The following ZBTB39 variants were observed in gnomAD, a reference collection of about 807,000 sequenced individuals.
ZBTB39 encodes zinc finger and BTB domain containing 39.
In ZBTB39, 25 loss-of-function variants were observed where a neutral mutation model predicts 39.4. The ratio of observed to expected loss-of-function variants is 0.63; its 90% confidence interval spans 0.46 to 0.89. ZBTB39 has a LOEUF of 0.89. Ranked by LOEUF, ZBTB39 falls within the 40% of genes least tolerant of loss-of-function variation. The probability of loss-of-function intolerance (pLI) is 0.00; values close to 1 mark genes in which losing one functional copy is unlikely to be tolerated. For synonymous variants in ZBTB39, 373 were observed against 359.6 expected (o/e 1.04, Z -0.42); for missense variants, 891 against 909.7 (o/e 0.98, Z 0.26).
chr12:56,998,943 A>G lies in ZBTB39; in HGVS notation c.*3836T>C, dbSNP rs911392682. 1 of 152,686 alleles carries G rather than the reference A, an allele frequency of 6.5e-6. No individual in the cohort carries two copies. Among genetic ancestry groups the G allele is most frequent in the Non-Finnish European group, 1.5e-5 (1 of 68,046 alleles). 9.5% of individuals were successfully genotyped at this position (152,686 alleles called of 1,614,324 possible). Reference sequence around the variant, plus strand: ...TTTTAGACATCTACTATTTGGGGAAAAAAGTTTACAAAATATACAAAACTT... The same window carrying G: ...TTTTAGACATCTACTATTTGGGGAAGAAAGTTTACAAAATATACAAAACTT... On this transcript the variant is annotated 3_prime_UTR_variant, in exon 2 of 2. Transcript: ENST00000300101.
rs775586600 is a variant in ZBTB39, at chr12:57,003,964, C to T, written c.954G>A (p.Glu318=). 1.2e-6 allele frequency: 2 copies of T among 1,614,118 alleles called. No homozygotes were observed. The highest frequency in any genetic ancestry group is 1.7e-6 in the Non-Finnish European group (2 of 1,180,042). ...CACTGTCATCACTCAGCTCAATCACCTCCTCAGTTGTGCCTATATCCTCAG... is the reference window on the plus strand; with the variant it reads ...CACTGTCATCACTCAGCTCAATCACTTCCTCAGTTGTGCCTATATCCTCAG... The part of the protein sequence containing the change: ...DPAEDIGTTE[E]VIELSDDSED... Residue 318 remains glutamate, a synonymous_variant, in exon 2 of 2, where the codon GAG becomes GAA. Transcript: ENST00000300101. The surrounding 1 kb of genome is among the most constrained non-coding windows in gnomAD (Gnocchi z 4.8).
chr12:57,003,376 C>A lies in ZBTB39; in HGVS notation c.1542G>T (p.Ala514=). Residue 514 remains alanine, a synonymous_variant, in exon 2 of 2, where the codon GCG becomes GCT. Coordinates refer to ENST00000300101, the MANE Select transcript of ZBTB39 (RefSeq NM_014830.3). This position sits in a 1 kb window ranked among gnomAD's most constrained non-coding sequence, Gnocchi z 4.8. ...GISVFSCSVC[A]NSFVDWHLLE... is the part of the protein sequence containing the mutation. ...GAAGATGCCAGTCCACAAAGCTGTT[C>A]GCACAGACAGAACAGGAGAAGACTG... 1 of 1,614,078 alleles carries A rather than the reference C, an allele frequency of 6.2e-7. No homozygotes were observed. Among genetic ancestry groups the A allele is most frequent in the Non-Finnish European group, 8.5e-7 (1 of 1,179,950 alleles).
Position 57,003,585 on chromosome 12 carries a change from CT to C in ZBTB39, c.1332del (p.Ala446GlnfsTer6). ...CATTTCAGCTCTGGGGAGGCTGCCC[CT>C]GAAAAGAGACCCAGCTTCCCTGGCA... ...DPLPGKLGLF[S>X]GAASPELKCA... On this transcript the variant is annotated frameshift_variant, in exon 2 of 2. Transcript: ENST00000300101. LOFTEE classifies it high-confidence loss of function. This position sits in a 1 kb window ranked among gnomAD's most constrained non-coding sequence, Gnocchi z 4.8. 6.2e-7 allele frequency: 1 copy of C among 1,614,102 alleles called. No individual in the cohort carries two copies. The highest frequency in any genetic ancestry group is 8.5e-7 in the Non-Finnish European group (1 of 1,179,940).
rs1352707428 is a variant in ZBTB39 at position 57,003,805 on chromosome 12, C to T, written c.1113G>A (p.Thr371=). 7.4e-6 allele frequency: 12 copies of T among 1,614,210 alleles called. No homozygotes were observed. Among genetic ancestry groups the T allele is most frequent in the Admixed American group, 3.3e-5 (2 of 60,024 alleles). ...GGGTCTCGCAGACCTTGCAGTTGCC[C>T]GTCAGCAGGTCCACATGGTCCCGAG... ...QHARDHVDLL[T]GNCKVCETHF... Residue 371 remains threonine (T), a synonymous_variant, in exon 2 of 2, where the codon ACG becomes ACA. Transcript: ENST00000300101. The surrounding 1 kb of genome is among the most constrained non-coding windows in gnomAD (Gnocchi z 4.8).
Position 57,003,408 on chromosome 12 carries a change from C to A in ZBTB39, c.1510G>T (p.Gly504Cys), listed in dbSNP as rs752543133. ...SLMWHTLSHL[G>C]ISVFSCSVCA... ...ACAGAACAGGAGAAGACTGAGATGC[C>A]GAGATGGGACAGCGTGTGCCACATG... Residue 504 changes from glycine (G) to cysteine (C), a missense_variant, in exon 2 of 2, where the codon GGC becomes TGC. Gly to Cys is a radical substitution (Grantham distance 159, BLOSUM62 -3). Transcript: ENST00000300101. The surrounding 1 kb of genome is among the most constrained non-coding windows in gnomAD (Gnocchi z 4.8). 6.2e-7 allele frequency: 1 copy of A among 1,614,174 alleles called. No homozygotes were observed. The highest frequency in any genetic ancestry group is 1.1e-5 in the South Asian group (1 of 91,078).
rs541660821 is a variant in ZBTB39, at chr12:57,001,187, G to C, written c.*1592C>G. On this transcript the variant is annotated 3_prime_UTR_variant, in exon 2 of 2. Transcript: ENST00000300101. ...CATCTCTGGTCAAGGCTGTTCTCTGGAATATGGCTACTTGCTGGGGAGAAA... is the reference window on the plus strand; with the variant it reads ...CATCTCTGGTCAAGGCTGTTCTCTGCAATATGGCTACTTGCTGGGGAGAAA... 1 of 152,414 alleles carries C rather than the reference G, an allele frequency of 6.6e-6. No homozygotes were observed. The highest frequency in any genetic ancestry group is 6.5e-5 in the Admixed American group (1 of 15,294). 9.4% of individuals were successfully genotyped at this position (152,414 alleles called of 1,614,324 possible). A position where few individuals can be genotyped will look rare whatever the true frequency, so the allele number is the denominator to read the frequency against.
rs1296845578 is a variant in ZBTB39, at chr12:56,999,306, C to T, written c.*3473G>A. The T allele has an allele frequency of 6.6e-6, 1 of 152,088 alleles. No individual in the cohort carries two copies. The highest frequency in any genetic ancestry group is 2.4e-5 in the African/African-American group (1 of 41,398). The allele number at this position is 152,088 out of a possible 1,614,324, so 9.4% of individuals were successfully genotyped here. On this transcript the variant is annotated 3_prime_UTR_variant, in exon 2 of 2. Coordinates refer to ENST00000300101, the MANE Select transcript of ZBTB39 (RefSeq NM_014830.3). ...ACTCCCATACCAATAAATACAGTGT[C>T]TATCTAGAATTTGCTTTGGAAGTTA...
rs1956204350 is a variant in ZBTB39 at position 57,000,546 on chromosome 12, AC to A, written c.*2232del. On this transcript the variant is annotated 3_prime_UTR_variant, in exon 2 of 2. Coordinates refer to ENST00000300101, the MANE Select transcript of ZBTB39 (RefSeq NM_014830.3). ...GCATTTCAAAAATCAGTCCTCACCA[AC>A]AGTCTGGGAGGGATTGCTCATGCTT... 6.6e-6 allele frequency: 1 copy of A among 152,646 alleles called. No individual in the cohort carries two copies. The highest frequency in any genetic ancestry group is 2.4e-5 in the African/African-American group (1 of 41,460). The allele number at this position is 152,646 out of a possible 1,614,324, so 9.5% of individuals were successfully genotyped here. A position where few individuals can be genotyped will look rare whatever the true frequency, so the allele number is the denominator to read the frequency against.
rs754398 is a variant in ZBTB39 at position 57,001,894 on chromosome 12, T to G, written c.*885A>C. The G allele has an allele frequency of 0.19, 28,747 of 152,642 alleles. 3,418 individuals carry two copies. Among genetic ancestry groups the G allele is most frequent in the African/African-American group, 0.35 (14,364 of 41,410 alleles). 9.5% of individuals were successfully genotyped at this position (152,642 alleles called of 1,614,324 possible). On this transcript the variant is annotated 3_prime_UTR_variant, in exon 2 of 2. Transcript: ENST00000300101. ...TTAAGGCAAGGCTGCTGCTGTCAGATACATCCCCACCTCTCCACCAAGACA... is the reference window on the plus strand; with the variant it reads ...TTAAGGCAAGGCTGCTGCTGTCAGAGACATCCCCACCTCTCCACCAAGACA...
Position 57,004,933 on chromosome 12 carries a change from G to T in ZBTB39, c.-16C>A, listed in dbSNP as rs1006616133. On this transcript the variant is annotated 5_prime_UTR_variant, in exon 2 of 2. An upstream open reading frame in the 5' UTR gains an earlier in-frame stop. Coordinates refer to ENST00000300101, the MANE Select transcript of ZBTB39 (RefSeq NM_014830.3). ...TCATGCCCATCTTAGCAGCTCCTAT[G>T]AAATTACCTCCTTATCAGCACAGTT... is the stretch of plus-strand genomic sequence containing the variant. The T allele has an allele frequency of 3.2e-6, 5 of 1,569,284 alleles. No individual in the cohort carries two copies. In the African/African-American group the frequency reaches 6.8e-5, roughly 21 times the overall value.
In ZBTB39 at chr12:57,003,908, T is replaced by C. The variant is rs371008394; in HGVS notation, c.1010A>G (p.Asn337Ser). ...GCAGGGCATGGCCTTATTCTCCCGA[T>C]TGTCATTCTCTCCAAAAGCCAACTC... ...EDELAFGEND[N>S]RENKAMPCQV... Residue 337 changes from asparagine to serine, a missense_variant, in exon 2 of 2, where the codon AAT (asparagine) becomes AGT (serine). Physicochemically the swap from Asn to Ser is conservative, Grantham distance 46 (BLOSUM62 1). Coordinates refer to ENST00000300101, the MANE Select transcript of ZBTB39 (RefSeq NM_014830.3). The surrounding 1 kb of genome is among the most constrained non-coding windows in gnomAD (Gnocchi z 4.8). 8 of 1,614,072 alleles carry C rather than the reference T, an allele frequency of 5.0e-6. No homozygotes were observed. The highest frequency in any genetic ancestry group is 2.7e-5 in the African/African-American group (2 of 74,912).
In ZBTB39 at chr12:57,004,729, C is replaced by G. The variant is rs890196611; in HGVS notation, c.189G>C (p.Gly63=). 7 of 1,614,142 alleles carry G rather than the reference C, an allele frequency of 4.3e-6. No individual in the cohort carries two copies. Among genetic ancestry groups the G allele is most frequent in the Non-Finnish European group, 5.9e-6 (7 of 1,179,994 alleles). The change falls in exon 2 of 2, where the codon GGG becomes GGC. Residue 63 remains glycine, a synonymous_variant. Transcript: ENST00000300101. The part of the protein sequence containing the change: ...GYFQNLFLNT[G]LDAARTYVVD... ...CCACATAGGTCCTGGCAGCATCAAGCCCAGTATTCAGGAAGAGGTTCTGGA... is the reference window on the plus strand; with the variant it reads ...CCACATAGGTCCTGGCAGCATCAAGGCCAGTATTCAGGAAGAGGTTCTGGA...
Position 57,002,715 on chromosome 12 carries a change from A to C in ZBTB39, c.*64T>G. ...TAACTTCAGCTGGGGAGGGACCAAC[A>C]CCTCTTAGATATCAGCATCCTGGCT... On this transcript the variant is annotated 3_prime_UTR_variant, in exon 2 of 2. Transcript: ENST00000300101. 1 of 1,490,262 alleles carries C rather than the reference A, an allele frequency of 6.7e-7. No individual in the cohort carries two copies. The highest frequency in any genetic ancestry group is 2.3e-5 in the East Asian group (1 of 44,014). 92.3% of individuals were successfully genotyped at this position (1,490,262 alleles called of 1,614,324 possible).
In ZBTB39 at chr12:57,003,397, G is replaced by C. The variant is rs1565630245; in HGVS notation, c.1521C>G (p.Val507=). 2 of 1,614,232 alleles carry C rather than the reference G, an allele frequency of 1.2e-6. No individual in the cohort carries two copies. The highest frequency in any genetic ancestry group is 3.3e-5 in the Admixed American group (2 of 60,032). The change falls in exon 2 of 2, where the codon GTC becomes GTG. Residue 507 remains valine, a synonymous_variant. Transcript: ENST00000300101. This position sits in a 1 kb window ranked among gnomAD's most constrained non-coding sequence, Gnocchi z 4.8. ...TGTTCGCACAGACAGAACAGGAGAA[G>C]ACTGAGATGCCGAGATGGGACAGCG... is the stretch of plus-strand genomic sequence containing the variant. The part of the protein sequence containing the change: ...WHTLSHLGIS[V]FSCSVCANSF...
chr12:57,003,392 G>C lies in ZBTB39; in HGVS notation c.1526C>G (p.Ser509Cys). ...TLSHLGISVF[S>C]CSVCANSFVD... ...AAAGCTGTTCGCACAGACAGAACAG[G>C]AGAAGACTGAGATGCCGAGATGGGA... The change falls in exon 2 of 2, where the codon TCC becomes TGC. Residue 509 changes from serine to cysteine, a missense_variant. Transcript: ENST00000300101. The surrounding 1 kb of genome is among the most constrained non-coding windows in gnomAD (Gnocchi z 4.8). 14 of 1,614,212 alleles carry C rather than the reference G, an allele frequency of 8.7e-6. No individual in the cohort carries two copies. Among genetic ancestry groups the C allele is most frequent in the Non-Finnish European group, 1.2e-5 (14 of 1,180,018 alleles).
chr12:57,004,261 C>T lies in ZBTB39; in HGVS notation c.657G>A (p.Thr219=), dbSNP rs372298998. Residue 219 remains threonine, a synonymous_variant, in exon 2 of 2, where the codon ACG becomes ACA. Coordinates refer to ENST00000300101, the MANE Select transcript of ZBTB39 (RefSeq NM_014830.3). ...GCTGGGTCATCATGCTAGGAATGGA[C>T]GTGAAGGGAGCAGGGGTGTCATGGT... ...TEDHDTPAPF[T]SIPSMMTQPL... 2.7e-5 allele frequency: 43 copies of T among 1,614,088 alleles called. No individual in the cohort carries two copies. In the African/African-American group the frequency reaches 4.3e-4, roughly 16 times the overall value.
Position 57,003,877 on chromosome 12 carries a change from C to T in ZBTB39, c.1041G>A (p.Val347=), listed in dbSNP as rs762075291. ...TGTTGGGCTCTAGAACTTTCTTGCA[C>T]ACCTGGCAGGGCATGGCCTTATTCT... is the stretch of plus-strand genomic sequence containing the variant. The part of the protein sequence containing the change: ...NRENKAMPCQ[V]CKKVLEPNIQ... The change falls in exon 2 of 2, where the codon GTG becomes GTA. Residue 347 remains valine, a synonymous_variant. Transcript: ENST00000300101. This position sits in a 1 kb window ranked among gnomAD's most constrained non-coding sequence, Gnocchi z 4.8. The T allele has an allele frequency of 1.2e-6, 2 of 1,614,070 alleles. No homozygotes were observed. Among genetic ancestry groups the T allele is most frequent in the Non-Finnish European group, 1.7e-6 (2 of 1,180,046 alleles).
rs983006408 is a variant in ZBTB39, at chr12:57,002,472, G to A, written c.*307C>T. 5.4e-6 allele frequency: 2 copies of A among 370,028 alleles called. No homozygotes were observed. The highest frequency in any genetic ancestry group is 9.8e-6 in the Non-Finnish European group (2 of 203,608). 22.9% of individuals were successfully genotyped at this position (370,028 alleles called of 1,614,324 possible). A position where few individuals can be genotyped will look rare whatever the true frequency, so the allele number is the denominator to read the frequency against. ...CTATCAGTAAACTAAAACTAGAGAG[G>A]CTGGGGAAGGGGGTCTAGTGGACAC... On this transcript the variant is annotated 3_prime_UTR_variant, in exon 2 of 2. Coordinates refer to ENST00000300101, the MANE Select transcript of ZBTB39 (RefSeq NM_014830.3).
Position 57,003,717 on chromosome 12 carries a change from A to T in ZBTB39, c.1201T>A (p.Ser401Thr). Residue 401 changes from serine (S) to threonine (T), a missense_variant, in exon 2 of 2, where the codon TCC (serine) becomes ACC (threonine). Transcript: ENST00000300101. The surrounding 1 kb of genome is among the most constrained non-coding windows in gnomAD (Gnocchi z 4.8). ...AACTTAGTTTCACACATGTCGCAGG[A>T]GAAAAGGAAAATACCAATGTGGGAC... ...VLSHIGIFLF[S>T]CDMCETKFFT... The T allele has an allele frequency of 6.2e-7, 1 of 1,614,210 alleles. No individual in the cohort carries two copies.
Sources: allele counts gnomAD v4.1 joint callset, GRCh38; gene constraint gnomAD v4.1.1; non-coding constraint Gnocchi (gnomAD v3.1); transcripts MANE v1.5; gene names NCBI Gene and HGNC (gene_info 2026-07-23, HGNC 2026-07-21).